The following MRC1 variants were observed in gnomAD, a reference collection of about 807,000 sequenced individuals.
MRC1 encodes mannose receptor C-type 1.
MRC1 carries 62 observed loss-of-function variants against 102.9 expected under a neutral mutation model. The observed-to-expected ratio is 0.60, with a 90% CI of 0.49 to 0.74. The LOEUF (loss-of-function observed/expected upper bound fraction) is 0.74. MRC1 is among the 30% of genes least tolerant of loss of function. The pLI is 0.00. For synonymous variants in MRC1, 457 were observed against 298.4 expected (o/e 1.53, Z -5.48); for missense variants, 1,237 against 862.8 (o/e 1.43, Z -5.43).
chr10:17,849,754 G>T lies in MRC1; in HGVS notation c.1239G>T (p.Gln413His), dbSNP rs1838885738. 3 of 780,554 alleles carry T rather than the reference G, an allele frequency of 3.8e-6. No individual in the cohort carries two copies. The highest frequency in any genetic ancestry group is 3.4e-5 in the Admixed American group (2 of 58,990). 48.4% of individuals were successfully genotyped at this position (780,554 alleles called of 1,614,324 possible). ...TIEELDFIIS[Q>H]LGYEPNDELW... ...AGGAATTGGACTTTATTATCTCCCA[G>T]CTAGGATATGGTGAGAAACTTGACA... The change falls in exon 7 of 30, where the codon CAG (glutamine) becomes CAT (histidine). Residue 413 changes from glutamine (Q) to histidine (H), a missense_variant. By Grantham distance (24) the Gln-to-His change is conservative (BLOSUM62 0). Coordinates refer to ENST00000569591, the MANE Select transcript of MRC1 (RefSeq NM_002438.4).
chr10:17,901,631 G>A (rs1833830833), intron 25 of MRC1, among the ~76,000 whole-genome samples: 1 of 152,000 alleles, frequency 6.6e-6, no homozygotes, highest in Non-Finnish European at 1.5e-5. Context: ...AGAGGTTGCG[G>A]TGAGACAAGA....
chr10:17,875,254 G>A lies in MRC1; in HGVS notation c.2550+1G>A, dbSNP rs1230996802. Reference sequence around the variant, plus strand: ...TGAAAAGAAGTTTCTATGGAAATATGTAAGGACATCAATCATTTTTTAAAA... The same window carrying A: ...TGAAAAGAAGTTTCTATGGAAATATATAAGGACATCAATCATTTTTTAAAA... On this transcript the variant is annotated splice_donor_variant, in intron 17 of 29. Coordinates refer to ENST00000569591, the MANE Select transcript of MRC1 (RefSeq NM_002438.4). LOFTEE classifies it high-confidence loss of function. 5 of 779,994 alleles carry A rather than the reference G, an allele frequency of 6.4e-6. No individual in the cohort carries two copies. The highest frequency in any genetic ancestry group is 2.7e-5 in the South Asian group (2 of 74,436). 48.3% of individuals were successfully genotyped at this position (779,994 alleles called of 1,614,324 possible). A position where few individuals can be genotyped will look rare whatever the true frequency, so the allele number is the denominator to read the frequency against.
chr10:17,854,714 G>C (rs1353447082), intron 8 of MRC1: 1 of 226,210 alleles, frequency 4.4e-6, no homozygotes, highest in African/African-American at 2.4e-5. Context: ...TTGAGACAGA[G>C]TTTTGCTCTT....
rs1833837284 is a variant in MRC1 at position 17,902,122 on chromosome 10, G to A, written c.3799G>A (p.Gly1267Ser). The part of the protein sequence containing the change: ...GQASLECLRM[G>S]SSLVSIESAA... ...AGCTTCTCTGGAATGTCTTCGAATG[G>A]GTGAGTGCCACATTTCCTGAAGGAA... The change falls in exon 26 of 30, where the codon GGT becomes AGT. Residue 1267 changes from glycine to serine, a missense_variant and splice_region_variant. Transcript: ENST00000569591. 4 of 779,112 alleles carry A rather than the reference G, an allele frequency of 5.1e-6. No homozygotes were observed. The highest frequency in any genetic ancestry group is 1.7e-5 in the Admixed American group (1 of 58,800). 48.3% of individuals were successfully genotyped at this position (779,112 alleles called of 1,614,324 possible).
chr10:17,888,923 C>T (rs1267339105), intron 22 of MRC1, among the ~76,000 whole-genome samples: 3 of 152,162 alleles, frequency 2.0e-5, no homozygotes, highest in Non-Finnish European at 2.9e-5. Context: ...TATCAGTTCT[C>T]ACTTTACATA....
intron 21 of MRC1, among the ~76,000 whole-genome samples, chr10:17,881,704 T>G (rs1412801175): frequency 2.6e-5 from 3 of 115,272 alleles, no homozygotes; most frequent in African/African-American, 7.0e-5. Flanking sequence ...GGTAACAAGG[T>G]CTTACTCTGT....
chr10:17,813,702 T>TATATA (rs1554837619), intron 1 of MRC1, among the ~76,000 whole-genome samples: 83 of 92,766 alleles, frequency 8.9e-4, no homozygotes, highest in African/African-American at 2.7e-3. Flanking sequence ...ATATATATAT[T>TATATA]TTTTTTTTTT....
At chr10:17,864,905 ATT>A (rs1364575445) in intron 11 of MRC1, among the ~76,000 whole-genome samples, 3 of 150,912 alleles carry the variant, frequency 2.0e-5, no homozygotes. Flanking sequence ...CCAAGCATGG[ATT>A]TAGACTAATC....
At chr10:17,902,355 C>T (rs1833840121) in intron 26 of MRC1, among the ~76,000 whole-genome samples, 1 of 152,152 alleles carries the variant, frequency 6.6e-6, no homozygotes, top group East Asian at 1.9e-4. Flanking sequence ...TAAATGGTTT[C>T]TTCCTTTCAG....
chr10:17,876,591 G>C (rs918302334), intron 17 of MRC1, among the ~76,000 whole-genome samples: 2 of 152,104 alleles, frequency 1.3e-5, no homozygotes, highest in Admixed American at 6.6e-5. Context: ...ATCAGTACTT[G>C]ATGGCTTTGA....
chr10:17,894,180 TTTTC>T lies in MRC1; in HGVS notation c.3148-26_3148-23del, dbSNP rs1554843295. 3 of 869,914 alleles carry T rather than the reference TTTTC, an allele frequency of 3.4e-6. No individual in the cohort carries two copies. The South Asian group carries it at 4.0e-5, about 11-fold the overall frequency. The allele number at this position is 869,914 out of a possible 1,614,324, so 53.9% of individuals were successfully genotyped here. On this transcript the variant is annotated intron_variant, in intron 22 of 29. Transcript: ENST00000569591. ...TTCAATAGTCGTTGATTCATGATTG[TTTTC>T]TTTTTCTTTCTCCATAAATATACAG... is the stretch of plus-strand genomic sequence containing the variant.
At chr10:17,819,997 C>G (rs1838372117) in intron 1 of MRC1, among the ~76,000 whole-genome samples, 1 of 152,158 alleles carries the variant, frequency 6.6e-6, no homozygotes, top group Admixed American at 6.5e-5. Context: ...AGGCAGAATT[C>G]ATTCTTTGGG....
At chr10:17,906,689 T>A (rs1050590067) in intron 26 of MRC1, among the ~76,000 whole-genome samples, 197 bp from the exon 27 acceptor site, 3 of 152,206 alleles carry the variant, frequency 2.0e-5, no homozygotes, top group African/African-American at 7.2e-5. Context: ...ACTCAAATGA[T>A]GCTAATGATG....
chr10:17,836,845 T>A (rs1838672479), intron 4 of MRC1, among the ~76,000 whole-genome samples: 2 of 151,144 alleles, frequency 1.3e-5, no homozygotes, highest in African/African-American at 4.9e-5. Flanking sequence ...CAAAAATAAA[T>A]AAATAAATAA....
chr10:17,846,192 G>C (rs976773087), intron 6 of MRC1, among the ~76,000 whole-genome samples: 44,178 of 151,788 alleles, frequency 0.29, 7,837 homozygotes, highest in Admixed American at 0.41. Flanking sequence ...ACAGGCATGA[G>C]CCACCGTGCC....
rs1423441554 is a variant in MRC1 at position 17,901,915 on chromosome 10, G to C, written c.3650-58G>C. The stretch of plus-strand genomic sequence containing the variant: ...GTTTTTGTAGCTGCTAATGTATGAT[G>C]CTACACACTACAGAAACTTCAGGTT... On this transcript the variant is annotated intron_variant, in intron 25 of 29. Coordinates refer to ENST00000569591, the MANE Select transcript of MRC1 (RefSeq NM_002438.4). 23 of 780,612 alleles carry C rather than the reference G, an allele frequency of 2.9e-5. No homozygotes were observed. The Admixed American group carries it at 3.9e-4, about 13-fold the overall frequency. 48.4% of individuals were successfully genotyped at this position (780,612 alleles called of 1,614,324 possible). A position where few individuals can be genotyped will look rare whatever the true frequency, so the allele number is the denominator to read the frequency against.
intron 7 of MRC1, among the ~76,000 whole-genome samples, chr10:17,850,267 T>TTTTTC (rs1589177447): frequency 6.6e-6 from 1 of 150,924 alleles, no homozygotes; most frequent in Admixed American, 6.6e-5. Context: ...TTTTTTTTTT[T>TTTTTC]TTGAAATGGT....
intron 1 of MRC1, among the ~76,000 whole-genome samples, chr10:17,818,286 C>G (rs1047257774): frequency 6.6e-6 from 1 of 152,204 alleles, no homozygotes; most frequent in Non-Finnish European, 1.5e-5. Flanking sequence ...AACATTCTTT[C>G]ATTCATTCAA....
At chr10:17,813,250 G>A (rs1838252540) in intron 1 of MRC1, among the ~76,000 whole-genome samples, 1 of 152,130 alleles carries the variant, frequency 6.6e-6, no homozygotes, top group Admixed American at 6.5e-5. Context: ...TGCAAATTAG[G>A]TTATTCCTGT....
Sources: allele counts gnomAD v4.1 joint callset (sites outside exome capture counted in the v4.1 genomes callset), GRCh38; gene constraint gnomAD v4.1.1; transcripts MANE v1.5; gene names NCBI Gene and HGNC (gene_info 2026-07-23, HGNC 2026-07-21).